Variants in FAM20B observed in about 807,000 individuals in gnomAD.
FAM20B encodes the protein glycosaminoglycan xylosylkinase.
FAM20B carries 23 observed loss-of-function variants against 43.8 expected under a neutral mutation model. The observed-to-expected ratio is 0.53, with a 90% CI of 0.38 to 0.74. The LOEUF is 0.74. Ranked by LOEUF, FAM20B falls within the 30% of genes least tolerant of loss-of-function variation. The pLI is 0.00. For synonymous variants in FAM20B, 178 were observed against 192.4 expected, an observed-to-expected ratio of 0.93 and a Z score of 0.62; for missense variants, 440 against 510.5, an observed-to-expected ratio of 0.86 and a Z score of 1.33.
the FAM20B span, among the ~76,000 whole-genome samples, chr1:179,019,802 C>T: frequency 6.6e-6 from 1 of 152,156 alleles, no homozygotes; most frequent in Non-Finnish European, 1.5e-5. Flanking sequence ...AAATACCAGC[C>T]TGGTATTACC....
intron 6 of FAM20B, among the ~76,000 whole-genome samples, chr1:179,065,333 C>T (rs1365623895): frequency 5.3e-5 from 8 of 152,038 alleles, no homozygotes; most frequent in South Asian, 2.1e-4. Context: ...GACAGGGTTT[C>T]GCCATTTTGG....
Position 179,075,478 on chromosome 1 carries a change from G to C in FAM20B, c.*3334G>C, listed in dbSNP as rs904836491. 6.6e-6 allele frequency: 1 copy of C among 152,560 alleles called. No homozygotes were observed. Among genetic ancestry groups the C allele is most frequent in the African/African-American group, 2.4e-5 (1 of 41,430 alleles). 9.5% of individuals were successfully genotyped at this position (152,560 alleles called of 1,614,324 possible). ...AGTATAAAGGTTTTGTTATAAAACT[G>C]TTCTTTAGTGTAAGGCTGCATTGTG... On this transcript the variant is annotated 3_prime_UTR_variant, in exon 8 of 8. Transcript: ENST00000263733.
chr1:179,069,929 A>G (rs1188342045), intron 7 of FAM20B, among the ~76,000 whole-genome samples: 2 of 152,194 alleles, frequency 1.3e-5, no homozygotes, highest in Non-Finnish European at 2.9e-5. Flanking sequence ...TCCTTTACCC[A>G]CAGAGAGCTA....
At chr1:179,029,376 T>C (rs567513481) in intron 1 of FAM20B, among the ~76,000 whole-genome samples, 1 of 152,372 alleles carries the variant, frequency 6.6e-6, no homozygotes, top group African/African-American at 2.4e-5. Flanking sequence ...AGCTTCTGAC[T>C]AACTTACAAT....
rs1228821822 is a variant in FAM20B at position 179,025,978 on chromosome 1, C to A, written c.-254C>A. The A allele has an allele frequency of 1.5e-5, 2 of 129,328 alleles. No individual in the cohort carries two copies. Among genetic ancestry groups the A allele is most frequent in the Non-Finnish European group, 3.3e-5 (2 of 60,508 alleles). The allele number at this position is 129,328 out of a possible 1,614,324, so 8.0% of individuals were successfully genotyped here. A position where few individuals can be genotyped will look rare whatever the true frequency, so the allele number is the denominator to read the frequency against. ...TGGGCCGGAGCCGCTGTGGCGGCGGCGGCGGCTGGGGGCGGTGAGCGCGGC... is the reference window on the plus strand; with the variant it reads ...TGGGCCGGAGCCGCTGTGGCGGCGGAGGCGGCTGGGGGCGGTGAGCGCGGC... On this transcript the variant is annotated 5_prime_UTR_variant, in exon 1 of 8. Transcript: ENST00000263733.
At chr1:179,047,241 A>G (rs983056226) in intron 2 of FAM20B, among the ~76,000 whole-genome samples, 2 of 152,034 alleles carry the variant, frequency 1.3e-5, no homozygotes, top group African/African-American at 2.4e-5. Flanking sequence ...GCTTCATCTT[A>G]TATCTCTTAC....
At chr1:179,051,406 C>G (rs1651001115) in intron 3 of FAM20B, among the ~76,000 whole-genome samples, 1 of 152,052 alleles carries the variant, frequency 6.6e-6, no homozygotes, top group Admixed American at 6.5e-5. Flanking sequence ...GGGCAGATCA[C>G]TTGAGCCCAG....
chr1:179,021,689 G>A (rs1165657315), upstream of FAM20B, among the ~76,000 whole-genome samples: 1 of 152,032 alleles, frequency 6.6e-6, no homozygotes, highest in African/African-American at 2.4e-5. Context: ...CTTTTACTGT[G>A]CAGATTTAAA....
At chr1:179,044,269 A>G (rs751764866) in intron 2 of FAM20B, 45 bp downstream of exon 2, 2 of 1,541,862 alleles carry the variant, frequency 1.3e-6, no homozygotes, top group Admixed American at 2.1e-5. Context: ...TGGTTGATTC[A>G]TTTAACTTGG....
chr1:179,032,733 GTTTTTA>G (rs1260828235), intron 1 of FAM20B, among the ~76,000 whole-genome samples: 1 of 152,164 alleles, frequency 6.6e-6, no homozygotes, highest in Non-Finnish European at 1.5e-5. Context: ...CTTAGTATTA[GTTTTTA>G]TTTTTAGTTG....
At position 179,064,407 on chromosome 1, in the gene FAM20B, C is replaced by T. The variant is rs1236658118; in HGVS notation, c.849C>T (p.Tyr283=). 1.2e-6 allele frequency: 2 copies of T among 1,614,140 alleles called. No individual in the cohort carries two copies. Among genetic ancestry groups the T allele is most frequent in the Non-Finnish European group, 1.7e-6 (2 of 1,180,004 alleles). ...TCATTGACACAGCTGTCTTTGATTA[C>T]CTGATTGGCAATGCTGACCGCCATC... ...LDIIDTAVFD[Y]LIGNADRHHY... is the part of the protein sequence containing the mutation. Residue 283 remains tyrosine, a synonymous_variant, in exon 6 of 8, where the codon TAC becomes TAT. Transcript: ENST00000263733.
At chr1:179,034,968 G>T (rs1291873547) in intron 1 of FAM20B, among the ~76,000 whole-genome samples, 1 of 152,200 alleles carries the variant, frequency 6.6e-6, no homozygotes, top group Non-Finnish European at 1.5e-5. Context: ...GCTATGAGCA[G>T]AGGTTGGTAT....
intron 4 of FAM20B, among the ~76,000 whole-genome samples, chr1:179,058,172 A>G (rs1229604956): frequency 1.3e-5 from 2 of 152,242 alleles, no homozygotes; most frequent in African/African-American, 2.4e-5. Flanking sequence ...TATTTAACAC[A>G]TTAAATAAGA....
chr1:179,032,626 T>C (rs1650062155), intron 1 of FAM20B, among the ~76,000 whole-genome samples: 1 of 152,150 alleles, frequency 6.6e-6, no homozygotes, highest in Non-Finnish European at 1.5e-5. Context: ...AAAGCTTATA[T>C]TTAAAATAAG....
intron 2 of FAM20B, among the ~76,000 whole-genome samples, chr1:179,050,071 C>T (rs949758712): frequency 4.6e-5 from 7 of 152,304 alleles, no homozygotes; most frequent in South Asian, 2.1e-4. Flanking sequence ...TGATTGGTGA[C>T]GTAGATAGAG....
At chr1:179,033,467 A>T (rs1332707216) in intron 1 of FAM20B, among the ~76,000 whole-genome samples, 1 of 152,214 alleles carries the variant, frequency 6.6e-6, no homozygotes, top group Non-Finnish European at 1.5e-5. Flanking sequence ...ACAATTTATC[A>T]AACCAATTTT....
In FAM20B at chr1:179,041,683, AGAGGGAGACGGGAGACGGG is replaced by A. The variant is rs779073290; in HGVS notation, c.-133-2022_-133-2004del. 6.3e-3 allele frequency among the ~76,000 whole-genome samples: 919 copies of A among 145,876 alleles called. 7 individuals carry two copies. Among genetic ancestry groups the A allele is most frequent in the Middle Eastern group, 0.021 (6 of 282 alleles). On this transcript the variant is annotated intron_variant, in intron 1 of 7. Coordinates refer to ENST00000263733, the MANE Select transcript of FAM20B (RefSeq NM_014864.4). ...AGATGGGAGACAGGGAGGGAGAGGG[AGAGGGAGACGGGAGACGGG>A]GAGGGAGACAGGAGACGGGAGACGG...
At chr1:179,060,826 T>A (rs919988057) in intron 4 of FAM20B, among the ~76,000 whole-genome samples, 9 of 152,228 alleles carry the variant, frequency 5.9e-5, no homozygotes, top group African/African-American at 2.2e-4. Context: ...TTAACCAGTT[T>A]ATATTCCCAT....
At chr1:179,071,384 C>CATTAACGTCTAAGG (rs898073648) in intron 7 of FAM20B, among the ~76,000 whole-genome samples, 2 of 152,102 alleles carry the variant, frequency 1.3e-5, no homozygotes, top group Non-Finnish European at 2.9e-5. Flanking sequence ...TTATAGTACC[C>CATTAACGTCTAAGG]ATTAACGTCT....
Sources: gnomAD v4.1 joint callset for allele counts (sites outside exome capture counted in the v4.1 genomes callset) on GRCh38, gnomAD v4.1.1 for gene constraint, MANE v1.5 for transcripts, NCBI Gene and HGNC (gene_info 2026-07-23, HGNC 2026-07-21) for gene names.